Variants in MGAT4A observed in about 807,000 individuals in gnomAD.
MGAT4A encodes alpha-1,3-mannosyl-glycoprotein 4-beta-N-acetylglucosaminyltransferase A.
A neutral mutation model predicts 74.1 loss-of-function variants in MGAT4A; 33 were observed. The observed-to-expected ratio is 0.45, with a 90% confidence interval of 0.34 to 0.60. The LOEUF (loss-of-function observed/expected upper bound fraction) is 0.60. MGAT4A is among the 20% of genes least tolerant of loss of function. The pLI is 0.02. For synonymous variants in MGAT4A, 198 were observed against 210.4 expected, an observed-to-expected ratio of 0.94 and a Z score of 0.51; for missense variants, 479 against 628.3, an observed-to-expected ratio of 0.76 and a Z score of 2.54.
At chr2:98,647,037 A>G (rs1364135632) in intron 8 of MGAT4A, among the ~76,000 whole-genome samples, 1 of 152,276 alleles carries the variant, frequency 6.6e-6, no homozygotes, top group Non-Finnish European at 1.5e-5. Context: ...AAGGTAATCT[A>G]ATAAAGGAAG....
intron 2 of MGAT4A, among the ~76,000 whole-genome samples, chr2:98,682,026 C>T (rs898564010): frequency 4.0e-5 from 6 of 151,888 alleles, no homozygotes; most frequent in South Asian, 2.1e-4. Context: ...TCCATGAGTC[C>T]GTATCAACAA....
intron 2 of MGAT4A, among the ~76,000 whole-genome samples, chr2:98,696,705 T>G (rs945568697): frequency 1.3e-5 from 2 of 152,232 alleles, no homozygotes; most frequent in Non-Finnish European, 1.5e-5. Flanking sequence ...GGTGGACCAC[T>G]GTTATGTGCT....
At chr2:98,679,508 T>A (rs1447626380) in intron 2 of MGAT4A, among the ~76,000 whole-genome samples, 1 of 151,208 alleles carries the variant, frequency 6.6e-6, no homozygotes, top group Non-Finnish European at 1.5e-5. Flanking sequence ...GGTGTATGCC[T>A]GTAGTCTCAG....
At chr2:98,681,892 C>T (rs1702065275) in intron 2 of MGAT4A, among the ~76,000 whole-genome samples, 1 of 152,132 alleles carries the variant, frequency 6.6e-6, no homozygotes, top group South Asian at 2.1e-4. Context: ...AAAAAAATGA[C>T]AGGACTTCTC....
At position 98,621,626 on chromosome 2, in the gene MGAT4A, A is replaced by G; in HGVS notation, c.*3940T>C. 70 of 1,488,260 alleles carry G rather than the reference A, an allele frequency of 4.7e-5. No homozygotes were observed. The highest frequency in any genetic ancestry group is 6.3e-5 in the Non-Finnish European group (70 of 1,116,150). The allele number at this position is 1,488,260 out of a possible 1,614,324, so 92.2% of individuals were successfully genotyped here. ...CATGCTCAAAGTGGGAGGATATTAT[A>G]CAAGGTCATTGGTGGGGGTGTCAGT... On this transcript the variant is annotated 3_prime_UTR_variant, in exon 16 of 16. Coordinates refer to ENST00000393487, the MANE Select transcript of MGAT4A (RefSeq NM_012214.3).
intron 2 of MGAT4A, among the ~76,000 whole-genome samples, chr2:98,685,443 C>A (rs1243352790): frequency 1.3e-5 from 2 of 152,034 alleles, no homozygotes; most frequent in Non-Finnish European, 2.9e-5. Flanking sequence ...TCACATGCAT[C>A]ACTCTTACAC....
chr2:98,647,971 T>C (rs1701519485), intron 8 of MGAT4A, among the ~76,000 whole-genome samples: 1 of 152,218 alleles, frequency 6.6e-6, no homozygotes, highest in African/African-American at 2.4e-5. Flanking sequence ...CTTTGCCACA[T>C]CACCTCTCAT....
intron 4 of MGAT4A, among the ~76,000 whole-genome samples, chr2:98,666,198 C>T (rs1701827703): frequency 6.6e-6 from 1 of 152,024 alleles, no homozygotes; most frequent in African/African-American, 2.4e-5. Flanking sequence ...GAGACCCTTG[C>T]AAATAGGGCT....
At chr2:98,722,655 C>T (rs1702693003) in intron 2 of MGAT4A, among the ~76,000 whole-genome samples, 1 of 152,128 alleles carries the variant, frequency 6.6e-6, no homozygotes, top group African/African-American at 2.4e-5. Flanking sequence ...ATACCAAAAA[C>T]CGACTGATTG....
chr2:98,717,532 T>C (rs1420404860), intron 2 of MGAT4A, among the ~76,000 whole-genome samples: 1 of 152,200 alleles, frequency 6.6e-6, no homozygotes. Context: ...TGTAGATTAG[T>C]TAATAATTTT....
At position 98,621,596 on chromosome 2, in the gene MGAT4A, C is replaced by G. The variant is rs979909287; in HGVS notation, c.*3970G>C. 10 of 1,528,310 alleles carry G rather than the reference C, an allele frequency of 6.5e-6. No individual in the cohort carries two copies. In the African/African-American group the frequency reaches 1.4e-4, roughly 21 times the overall value. The allele number at this position is 1,528,310 out of a possible 1,614,324, so 94.7% of individuals were successfully genotyped here. A position where few individuals can be genotyped will look rare whatever the true frequency, so the allele number is the denominator to read the frequency against. Reference sequence around the variant, plus strand: ...GATATAATCATGGATCAAACAGGTTCCACCCATGCTCAAAGTGGGAGGATA... The same window carrying G: ...GATATAATCATGGATCAAACAGGTTGCACCCATGCTCAAAGTGGGAGGATA... On this transcript the variant is annotated 3_prime_UTR_variant, in exon 16 of 16. Coordinates refer to ENST00000393487, the MANE Select transcript of MGAT4A (RefSeq NM_012214.3).
rs1374305502 is a variant in MGAT4A, at chr2:98,731,082, G to T, written c.-270C>A. The T allele has an allele frequency of 1.6e-5, 2 of 128,694 alleles. No individual in the cohort carries two copies. Among genetic ancestry groups the T allele is most frequent in the African/African-American group, 5.9e-5 (2 of 34,048 alleles). 8.0% of individuals were successfully genotyped at this position (128,694 alleles called of 1,614,324 possible). A position where few individuals can be genotyped will look rare whatever the true frequency, so the allele number is the denominator to read the frequency against. On this transcript the variant is annotated 5_prime_UTR_variant, in exon 1 of 16. Coordinates refer to ENST00000393487, the MANE Select transcript of MGAT4A (RefSeq NM_012214.3). The surrounding 1 kb of genome is among the most constrained non-coding windows in gnomAD (Gnocchi z 4.8). ...GCGTCGCCGTGCTCCCGCGGCTGCC[G>T]GCGGAGCTGCTGTAGCCGCCGCCGC...
chr2:98,659,897 A>G (rs1701717653), intron 5 of MGAT4A, among the ~76,000 whole-genome samples: 1 of 152,178 alleles, frequency 6.6e-6, no homozygotes, highest in South Asian at 2.1e-4. Flanking sequence ...TCAATTGTTA[A>G]AAGACTCAAT....
intron 2 of MGAT4A, among the ~76,000 whole-genome samples, chr2:98,720,897 C>T (rs1211220099): frequency 6.6e-6 from 1 of 152,152 alleles, no homozygotes; most frequent in African/African-American, 2.4e-5. Flanking sequence ...GAAATAATGA[C>T]TTAATACTTC....
chr2:98,668,803 T>A (rs1240997232), intron 4 of MGAT4A, among the ~76,000 whole-genome samples: 1 of 152,246 alleles, frequency 6.6e-6, no homozygotes, highest in African/African-American at 2.4e-5. Flanking sequence ...ACCTCTTGCA[T>A]CAGTGTGACC....
In MGAT4A at chr2:98,623,156, C is replaced by CA. The variant is rs2104204922; in HGVS notation, c.*2409dup. On this transcript the variant is annotated 3_prime_UTR_variant, in exon 16 of 16. Coordinates refer to ENST00000393487, the MANE Select transcript of MGAT4A (RefSeq NM_012214.3). ...GGGTAGATTCATGGGGAGAGAAGCA[C>CA]AAAAAAGTCCTGGAATGATAGGAAA... is the stretch of plus-strand genomic sequence containing the variant. The CA allele has an allele frequency of 2.0e-6, 2 of 985,318 alleles. No individual in the cohort carries two copies. Among genetic ancestry groups the CA allele is most frequent in the African/African-American group, 3.5e-5 (2 of 57,312 alleles). The allele number at this position is 985,318 out of a possible 1,614,324, so 61.0% of individuals were successfully genotyped here. A position where few individuals can be genotyped will look rare whatever the true frequency, so the allele number is the denominator to read the frequency against.
chr2:98,656,227 G>A (rs1701658992), intron 7 of MGAT4A, 125 bp downstream of exon 7: 7 of 736,874 alleles, frequency 9.5e-6, no homozygotes, highest in Non-Finnish European at 9.3e-6. Context: ...TGGACTTAAT[G>A]AGACTTACCT....
chr2:98,637,081 A>C (rs1464261819), intron 12 of MGAT4A, among the ~76,000 whole-genome samples: 1 of 152,120 alleles, frequency 6.6e-6, no homozygotes, highest in Non-Finnish European at 1.5e-5. Context: ...AGGCCGAGGT[A>C]GGAGGATCAC....
intron 2 of MGAT4A, among the ~76,000 whole-genome samples, chr2:98,690,216 CA>C (rs1418070931): frequency 8.5e-5 from 13 of 152,220 alleles, no homozygotes; most frequent in Admixed American, 1.3e-4. Context: ...GGCCCCCTGA[CA>C]CCCATAATAT....
Sources: allele counts gnomAD v4.1 joint callset (sites outside exome capture counted in the v4.1 genomes callset), GRCh38; gene constraint gnomAD v4.1.1; non-coding constraint Gnocchi (gnomAD v3.1); transcripts MANE v1.5; gene names NCBI Gene and HGNC (gene_info 2026-07-23, HGNC 2026-07-21).